Variants in PIAS2 observed in about 807,000 individuals in gnomAD.
The protein encoded by PIAS2 is E3 SUMO-protein ligase PIAS2.
Under a neutral mutation model 69.7 loss-of-function variants are expected in PIAS2, and 19 were observed. That is an observed-to-expected ratio of 0.27 (90% CI 0.19 to 0.40). The LOEUF (loss-of-function observed/expected upper bound fraction) is 0.40. Ranked by LOEUF, PIAS2 falls within the 10% of genes least tolerant of loss-of-function variation. PIAS2 has a pLI of 1.00. For synonymous variants in PIAS2, 261 were observed against 263.2 expected (o/e 0.99, Z 0.08); for missense variants, 624 against 757.0 (o/e 0.82, Z 2.06).
chr18:46,911,214 CTTTTTTT>C (rs149777627), intron 1 of PIAS2, among the ~76,000 whole-genome samples: 1 of 139,804 alleles, frequency 7.2e-6, no homozygotes, highest in South Asian at 2.3e-4. Context: ...TGTTATATTT[CTTTTTTT>C]TTTTTTTTTC....
At chr18:46,898,512 A>G (rs1329758526) in intron 1 of PIAS2, among the ~76,000 whole-genome samples, 2 of 152,246 alleles carry the variant, frequency 1.3e-5, no homozygotes, top group African/African-American at 2.4e-5. Flanking sequence ...TATTAGAAAT[A>G]TAAGACAATC....
intron 8 of PIAS2, among the ~76,000 whole-genome samples, chr18:46,840,536 C>G (rs1422990080): frequency 6.6e-6 from 1 of 152,178 alleles, no homozygotes; most frequent in Non-Finnish European, 1.5e-5. Flanking sequence ...CTGTTTCCAT[C>G]TCTCCTGTCA....
chr18:46,818,397 A>G, intron 12 of PIAS2: 1 of 1,587,906 alleles, frequency 6.3e-7, no homozygotes, highest in Non-Finnish European at 8.6e-7. Context: ...ACAGTATCAG[A>G]AGATGTTCCA....
intron 11 of PIAS2, among the ~76,000 whole-genome samples, chr18:46,824,660 G>A (rs1466443550): frequency 6.6e-6 from 1 of 152,042 alleles, no homozygotes; most frequent in African/African-American, 2.4e-5. Flanking sequence ...TTGTAAAATT[G>A]TTTATAAGAA....
intron 1 of PIAS2, among the ~76,000 whole-genome samples, chr18:46,916,323 T>A (rs1469852732): frequency 6.6e-6 from 1 of 151,780 alleles, no homozygotes; most frequent in African/African-American, 2.4e-5. Flanking sequence ...GAAAAAGAAA[T>A]CCTAATATCA....
intron 3 of PIAS2, among the ~76,000 whole-genome samples, chr18:46,862,254 C>A (rs1020944701): frequency 5.3e-5 from 8 of 152,112 alleles, no homozygotes; most frequent in Non-Finnish European, 8.8e-5. Flanking sequence ...TCGCCTGAAA[C>A]CGGGAGGTGG....
chr18:46,832,504 G>A (rs2043796801), intron 9 of PIAS2, among the ~76,000 whole-genome samples: 1 of 151,960 alleles, frequency 6.6e-6, no homozygotes, highest in Non-Finnish European at 1.5e-5. Flanking sequence ...GAATAAATAC[G>A]CAAAAAGATG....
intron 12 of PIAS2, chr18:46,815,848 A>G (rs987294171): frequency 2.0e-6 from 2 of 986,474 alleles, no homozygotes; most frequent in South Asian, 4.7e-5. Context: ...ACATAGTCCA[A>G]CGCTCTGCAC....
At chr18:46,840,785 G>A (rs1156637616) in intron 8 of PIAS2, among the ~76,000 whole-genome samples, 1 of 152,102 alleles carries the variant, frequency 6.6e-6, no homozygotes, top group Admixed American at 6.6e-5. Context: ...AGATGATGAT[G>A]CTTTTTTGAA....
intron 8 of PIAS2, among the ~76,000 whole-genome samples, chr18:46,842,697 AT>A (rs916486527): frequency 3.8e-4 from 58 of 152,282 alleles, no homozygotes; most frequent in African/African-American, 1.2e-3. Context: ...TAACCTGAAG[AT>A]ACTGAAAAGA....
chr18:46,884,773 C>T (rs528403817), intron 2 of PIAS2, among the ~76,000 whole-genome samples: 4 of 152,090 alleles, frequency 2.6e-5, no homozygotes, highest in South Asian at 4.1e-4. Flanking sequence ...ATAAATTAGC[C>T]GGGCGTGGTG....
intron 12 of PIAS2, chr18:46,818,253 T>C (rs996246943): frequency 4.0e-6 from 5 of 1,252,376 alleles, no homozygotes; most frequent in African/African-American, 1.6e-5. Context: ...ATTTTAATGA[T>C]ACAACTTTTG....
At chr18:46,854,127 T>G (rs1750096007) in intron 5 of PIAS2, among the ~76,000 whole-genome samples, 1 of 152,110 alleles carries the variant, frequency 6.6e-6, no homozygotes, top group African/African-American at 2.4e-5. Flanking sequence ...CCAAGAGAAG[T>G]CAGATCCCTC....
intron 9 of PIAS2, among the ~76,000 whole-genome samples, chr18:46,833,763 T>C (rs1295196938): frequency 1.3e-5 from 2 of 152,222 alleles, no homozygotes; most frequent in Non-Finnish European, 2.9e-5. Context: ...CCAGTAATAC[T>C]TTGATCAATG....
At chr18:46,915,493 G>C (rs897908604) in intron 1 of PIAS2, 2 of 151,952 alleles carry the variant, frequency 1.3e-5, no homozygotes, top group East Asian at 1.9e-4. Context: ...TGTTGGGCAC[G>C]TCATATGAAT....
At chr18:46,857,653 TG>T (rs1463835815) in intron 3 of PIAS2, among the ~76,000 whole-genome samples, 1 of 152,158 alleles carries the variant, frequency 6.6e-6, no homozygotes, top group African/African-American at 2.4e-5. Flanking sequence ...GAAAGATGGA[TG>T]GGGGCATAAA....
intron 3 of PIAS2, among the ~76,000 whole-genome samples, chr18:46,859,995 C>T (rs1275958688): frequency 6.6e-6 from 1 of 152,154 alleles, no homozygotes; most frequent in Non-Finnish European, 1.5e-5. Context: ...AAAAAGAGAA[C>T]TGAATCCAAT....
chr18:46,895,810 C>A (rs2054768378), intron 1 of PIAS2, among the ~76,000 whole-genome samples: 1 of 152,174 alleles, frequency 6.6e-6, no homozygotes, highest in South Asian at 2.1e-4. Flanking sequence ...CAGAAAGATA[C>A]TGCTTACTCT....
chr18:46,912,524 A>G (rs1280856816), intron 1 of PIAS2, among the ~76,000 whole-genome samples: 2 of 152,208 alleles, frequency 1.3e-5, no homozygotes, highest in Non-Finnish European at 2.9e-5. Flanking sequence ...AGGGCCAAAT[A>G]TACTGTCTAA....
Sources: gnomAD v4.1 joint callset for allele counts (sites outside exome capture counted in the v4.1 genomes callset) on GRCh38, gnomAD v4.1.1 for gene constraint, MANE v1.5 for transcripts, NCBI Gene and HGNC (gene_info 2026-07-23, HGNC 2026-07-21) for gene names.